The following TLN2 variants were observed in gnomAD, a reference collection of about 807,000 sequenced individuals.
TLN2 encodes talin-2.
In TLN2, 118 loss-of-function variants were observed where a neutral mutation model predicts 294.7. The ratio of observed to expected loss-of-function variants is 0.40; its 90% CI spans 0.34 to 0.47. The LOEUF is 0.47. Among genes scored for constraint, TLN2 ranks in the 20% least tolerant of loss-of-function variants. The pLI, the probability that TLN2 is intolerant of heterozygous loss-of-function variation, is 0.84. For synonymous variants in TLN2, 1,431 were observed against 1,304.5 expected (o/e 1.10, Z -2.09); for missense variants, 3,083 against 3,282.2 (o/e 0.94, Z 1.48).
chr15:62,413,228 A>G (rs1489339706), intron 1 of TLN2, among the ~76,000 whole-genome samples: 3 of 152,168 alleles, frequency 2.0e-5, no homozygotes, highest in East Asian at 3.9e-4. Context: ...TCATGAGGTT[A>G]GTGCCCTGCC....
chr15:62,591,440 C>A (rs1176486608), intron 2 of TLN2, among the ~76,000 whole-genome samples: 1 of 152,180 alleles, frequency 6.6e-6, no homozygotes, highest in East Asian at 1.9e-4. Context: ...GCTGTGACAT[C>A]TGGCATGGTC....
At chr15:62,416,926 G>A (rs1364868426) in intron 1 of TLN2, among the ~76,000 whole-genome samples, 1 of 152,164 alleles carries the variant, frequency 6.6e-6, no homozygotes, top group African/African-American at 2.4e-5. Flanking sequence ...TGGGGGCTCT[G>A]TTCTCCTCCC....
At chr15:62,803,782 C>T (rs2066088017) in intron 50 of TLN2, among the ~76,000 whole-genome samples, 1 of 152,216 alleles carries the variant, frequency 6.6e-6, no homozygotes, top group Non-Finnish European at 1.5e-5. Context: ...CACATATCCC[C>T]AGGATTAGTC....
intron 54 of TLN2, among the ~76,000 whole-genome samples, chr15:62,823,439 A>T (rs1181198718): frequency 1.3e-5 from 2 of 152,212 alleles, no homozygotes; most frequent in African/African-American, 4.8e-5. Context: ...ACCTTAAAAA[A>T]ATCCTCAGGG....
At chr15:62,549,994 C>T (rs1463619338) in intron 1 of TLN2, among the ~76,000 whole-genome samples, 1 of 152,104 alleles carries the variant, frequency 6.6e-6, no homozygotes, top group Non-Finnish European at 1.5e-5. Flanking sequence ...CACTTTCTAG[C>T]TGGTTCTGAT....
At chr15:62,824,534 T>C (rs1158102752) in intron 54 of TLN2, among the ~76,000 whole-genome samples, 1 of 152,218 alleles carries the variant, frequency 6.6e-6, no homozygotes, top group Non-Finnish European at 1.5e-5. Context: ...CCATACCAGC[T>C]GCATGGATAC....
chr15:62,811,491 C>G (rs919826914), intron 52 of TLN2, among the ~76,000 whole-genome samples: 3 of 152,212 alleles, frequency 2.0e-5, no homozygotes, highest in Non-Finnish European at 4.4e-5. Context: ...ACAGTATATT[C>G]TGAGTCATAT....
At chr15:62,828,829 C>G (rs1193937202) in intron 54 of TLN2, 1 of 152,302 alleles carries the variant, frequency 6.6e-6, no homozygotes, top group East Asian at 1.9e-4. Context: ...CACATGGGCT[C>G]CTCTGCCTGA....
rs1356851870 is a variant in TLN2 at position 62,797,326 on chromosome 15, C to T, written c.6158C>T (p.Ala2053Val). The T allele has an allele frequency of 2.5e-6, 4 of 1,613,576 alleles. No homozygotes were observed. The highest frequency in any genetic ancestry group is 2.7e-5 in the African/African-American group (2 of 74,906). Residue 2053 changes from alanine (A) to valine (V), a missense_variant, in exon 48 of 59, where the codon GCA becomes GTA. Ala to Val is a moderately conservative substitution (Grantham distance 64, BLOSUM62 0). Transcript: ENST00000636159. ...DKLAQAAQSS[A>V]ATITQLAEVV... ...CTGGCCCAGGCGGCCCAGTCCTCAGCAGCCACCATCACCCAGCTCGCAGAA... is the reference window on the plus strand; with the variant it reads ...CTGGCCCAGGCGGCCCAGTCCTCAGTAGCCACCATCACCCAGCTCGCAGAA...
At chr15:62,599,914 G>T (rs1313952952) in intron 2 of TLN2, among the ~76,000 whole-genome samples, 1 of 152,162 alleles carries the variant, frequency 6.6e-6, no homozygotes, top group Non-Finnish European at 1.5e-5. Context: ...AATAAAAATT[G>T]ACCGTGGAGG....
intron 45 of TLN2, among the ~76,000 whole-genome samples, chr15:62,790,374 A>G (rs914248818): frequency 6.6e-6 from 1 of 152,168 alleles, no homozygotes; most frequent in Non-Finnish European, 1.5e-5. Context: ...CGAAAAATCA[A>G]AGAAGTTAGA....
At position 62,656,023 on chromosome 15, in the gene TLN2, C is replaced by G; in HGVS notation, c.597C>G (p.Phe199Leu). Residue 199 changes from phenylalanine (F) to leucine (L), a missense_variant, in exon 8 of 59, where the codon TTC becomes TTG. Physicochemically the swap from Phe to Leu is conservative, Grantham distance 22. Coordinates refer to ENST00000636159, the MANE Select transcript of TLN2 (RefSeq NM_015059.3). Reference protein sequence around the residue: ...ENETLLLRRKFFYSDQNVDSR... With the variant: ...ENETLLLRRKLFYSDQNVDSR... ...AAACGTTGCTGCTTAGACGGAAGTT[C>G]TTTTACTCTGATCAGAATGTAGATT... 2 of 1,614,190 alleles carry G rather than the reference C, an allele frequency of 1.2e-6. No homozygotes were observed. Among genetic ancestry groups the G allele is most frequent in the Non-Finnish European group, 1.7e-6 (2 of 1,180,048 alleles).
intron 1 of TLN2, among the ~76,000 whole-genome samples, chr15:62,510,996 A>C (rs1486492145): frequency 6.6e-6 from 1 of 152,220 alleles, no homozygotes; most frequent in Non-Finnish European, 1.5e-5. Context: ...ACGTCTTACA[A>C]TATTAGTGGC....
At chr15:62,761,530 T>C (rs1229229204) in intron 37 of TLN2, 151 bp from the exon 38 acceptor site, 4 of 1,079,276 alleles carry the variant, frequency 3.7e-6, no homozygotes, top group South Asian at 1.6e-5. Flanking sequence ...CAGGGGTCTC[T>C]TTCATCAGTT....
intron 45 of TLN2, among the ~76,000 whole-genome samples, chr15:62,789,222 G>A (rs2064906962): frequency 6.6e-6 from 1 of 152,172 alleles, no homozygotes; most frequent in Non-Finnish European, 1.5e-5. Flanking sequence ...CCTCAAGGGG[G>A]TCTCCAGGTA....
intron 1 of TLN2, among the ~76,000 whole-genome samples, chr15:62,481,570 C>T (rs886127690): frequency 5.9e-5 from 9 of 151,982 alleles, no homozygotes; most frequent in African/African-American, 9.7e-5. Context: ...CCATGATGCC[C>T]GGGTTGGTCT....
intron 1 of TLN2, among the ~76,000 whole-genome samples, chr15:62,422,313 A>C (rs1566958738): frequency 6.6e-6 from 1 of 151,670 alleles, no homozygotes; most frequent in Non-Finnish European, 1.5e-5. Flanking sequence ...TGAATCACCT[A>C]AGATGTTGTT....
chr15:62,775,229 T>G (rs1329742408), intron 42 of TLN2, among the ~76,000 whole-genome samples: 1 of 146,232 alleles, frequency 6.8e-6, no homozygotes, highest in Non-Finnish European at 1.5e-5. Flanking sequence ...CTGGCATTTT[T>G]GTGTCTGTAA....
intron 1 of TLN2, among the ~76,000 whole-genome samples, chr15:62,579,987 A>C (rs1249652617): frequency 6.6e-6 from 1 of 152,030 alleles, no homozygotes; most frequent in Non-Finnish European, 1.5e-5. Context: ...AAGGATCTCT[A>C]CCTGGCCAGG....
Sources: allele counts gnomAD v4.1 joint callset (sites outside exome capture counted in the v4.1 genomes callset), GRCh38; gene constraint gnomAD v4.1.1; transcripts MANE v1.5; gene names NCBI Gene and HGNC (gene_info 2026-07-23, HGNC 2026-07-21).